LEPR: variants seen among roughly 807,000 people sequenced by gnomAD.
LEPR encodes the protein leptin receptor.
A neutral mutation model predicts 114.7 loss-of-function variants in LEPR; 56 were observed. The observed-to-expected ratio is 0.49, with a 90% CI of 0.39 to 0.61. The LOEUF is 0.61. Among genes scored for constraint, LEPR ranks in the 20% least tolerant of loss-of-function variants. The probability of loss-of-function intolerance (pLI) is 0.00; values close to 1 mark genes in which losing one functional copy is unlikely to be tolerated. For synonymous variants in LEPR, 443 were observed against 461.4 expected (o/e 0.96, Z 0.51); for missense variants, 1,202 against 1,352.9 (o/e 0.89, Z 1.75).
chr1:65,583,182 G>A (rs531975552), intron 5 of LEPR, among the ~76,000 whole-genome samples: 3 of 152,288 alleles, frequency 2.0e-5, no homozygotes, highest in East Asian at 1.9e-4. Context: ...CAGAGCTGAG[G>A]AACTCAAGCT....
intron 2 of LEPR, among the ~76,000 whole-genome samples, chr1:65,479,297 C>T (rs1647191994): frequency 6.6e-6 from 1 of 151,820 alleles, no homozygotes; most frequent in African/African-American, 2.4e-5. Context: ...GCAGCAGCAG[C>T]ATTATTAAAT....
intron 2 of LEPR, chr1:65,433,305 CT>C: frequency 1.1e-5 from 11 of 985,416 alleles, no homozygotes; most frequent in Non-Finnish European, 1.3e-5. Context: ...ATGTACTTGT[CT>C]TCCGTCCTGT....
chr1:65,451,214 T>C (rs80086931), intron 2 of LEPR, among the ~76,000 whole-genome samples: 90,293 of 151,320 alleles, frequency 0.6, 27,635 homozygotes, highest in Middle Eastern at 0.65. Flanking sequence ...AAATTTTCTC[T>C]CATTTTGTAG....
chr1:65,486,799 A>G (rs978037732), intron 2 of LEPR, among the ~76,000 whole-genome samples: 1 of 152,146 alleles, frequency 6.6e-6, no homozygotes, highest in Non-Finnish European at 1.5e-5. Flanking sequence ...CTCAGGGAGA[A>G]CATGAGGTGG....
At chr1:65,460,537 C>G (rs1037024500) in intron 2 of LEPR, among the ~76,000 whole-genome samples, 4 of 152,080 alleles carry the variant, frequency 2.6e-5, no homozygotes, top group African/African-American at 9.7e-5. Context: ...TGTTAAATAT[C>G]TTTCAAAGAA....
Position 65,487,291 on chromosome 1 carries a change from T to C in LEPR, c.-21+61913T>C, listed in dbSNP as rs191234903. On this transcript the variant is annotated intron_variant, in intron 2 of 19. Transcript: ENST00000349533. ...TTCCATTTACTTATTAGCAGTGGAA[T>C]TGAGTAATGATGAGTAAAATAAAAG... Among the ~76,000 whole-genome samples the C allele has an allele frequency of 1.6e-3, 246 of 152,260 alleles. 6 individuals are homozygous for C. Among genetic ancestry groups the C allele is most frequent in the Admixed American group, 0.014 (218 of 15,266 alleles).
At chr1:65,626,111 T>C in intron 19 of LEPR, 1 of 1,610,958 alleles carries the variant, frequency 6.2e-7, no homozygotes. Context: ...AAATTATTTT[T>C]CCCTTTTCCA....
chr1:65,618,060 T>TTAATATA lies in LEPR; in HGVS notation c.2311_2312insATATATA (p.Ile771AsnfsTer5). 1.2e-6 allele frequency: 2 copies of TTAATATA among 1,612,602 alleles called. No homozygotes were observed. Among genetic ancestry groups the TTAATATA allele is most frequent in the Non-Finnish European group, 1.7e-6 (2 of 1,179,398 alleles). Reference sequence around the variant, plus strand: ...CCCAGTGATTACAAGCTAATGTATTTTATTATTGAGTGGAAAAATCTTAAT... The same window carrying TTAATATA: ...CCCAGTGATTACAAGCTAATGTATTTTAATATATATTATTGAGTGGAAAAATCTTAAT... On this transcript the variant is annotated frameshift_variant, in exon 16 of 20. Transcript: ENST00000349533. LOFTEE classifies it high-confidence loss of function.
intron 2 of LEPR, among the ~76,000 whole-genome samples, chr1:65,488,210 T>TTCTTTCTCTCTCTC (rs1557620199): frequency 1.5e-4 from 4 of 25,870 alleles, no homozygotes; most frequent in African/African-American, 7.2e-4. Flanking sequence ...CTTTCTTTCT[T>TTCTTTCTCTCTCTC]TCTCTCTCTC....
At chr1:65,539,711 A>C (rs2100655621) in intron 2 of LEPR, among the ~76,000 whole-genome samples, 1 of 152,356 alleles carries the variant, frequency 6.6e-6, no homozygotes, top group Non-Finnish European at 1.5e-5. Flanking sequence ...GCTTCCTGGC[A>C]GTCTGCCTGT....
intron 2 of LEPR, among the ~76,000 whole-genome samples, chr1:65,515,017 A>G (rs1311054456): frequency 6.6e-6 from 1 of 152,268 alleles, no homozygotes; most frequent in African/African-American, 2.4e-5. Context: ...CATAGACCTT[A>G]GATAGCATGG....
chr1:65,596,643 C>T (rs755535126), intron 7 of LEPR, 50 bp downstream of exon 7: 1 of 1,535,086 alleles, frequency 6.5e-7, no homozygotes, highest in East Asian at 2.3e-5. Flanking sequence ...TAAATAAAGA[C>T]CCTCTTAAGT....
In LEPR at chr1:65,640,636, A is replaced by T. The variant is rs762651829; in HGVS notation, c.*3621A>T. On this transcript the variant is annotated 3_prime_UTR_variant, in exon 20 of 20. Coordinates refer to ENST00000349533, the MANE Select transcript of LEPR (RefSeq NM_002303.6). ...CACACCTGCATCTAATCACAATGTT[A>T]GGCGAACAACTTAAAACATGATCAG... The T allele has an allele frequency of 2.0e-5, 3 of 152,232 alleles. No individual in the cohort carries two copies. The highest frequency in any genetic ancestry group is 2.9e-5 in the Non-Finnish European group (2 of 68,038). The allele number at this position is 152,232 out of a possible 1,614,324, so 9.4% of individuals were successfully genotyped here.
Position 65,570,500 on chromosome 1 carries a change from A to G in LEPR, c.68A>G (p.Asn23Ser), listed in dbSNP as rs1487793938. Reference protein sequence around the residue: ...WEFIYVITAFNLSYPITPWRF... With the variant: ...WEFIYVITAFSLSYPITPWRF... ...TTTATTTATGTGATAACTGCGTTTA[A>G]CTTGTCATATCCAATTACTCCTTGG... Residue 23 changes from asparagine to serine, a missense_variant, in exon 4 of 20, where the codon AAC (asparagine) becomes AGC (serine). Coordinates refer to ENST00000349533, the MANE Select transcript of LEPR (RefSeq NM_002303.6). 6.2e-7 allele frequency: 1 copy of G among 1,613,818 alleles called. No homozygotes were observed. Among genetic ancestry groups the G allele is most frequent in the South Asian group, 1.1e-5 (1 of 91,010 alleles).
chr1:65,525,221 C>G (rs1570608835), intron 2 of LEPR, among the ~76,000 whole-genome samples: 1 of 146,458 alleles, frequency 6.8e-6, no homozygotes, highest in African/African-American at 2.5e-5. Flanking sequence ...CCAGTTATTG[C>G]AACCTTAATT....
chr1:65,610,002 T>C lies in LEPR; in HGVS notation c.1808T>C (p.Leu603Ser). The C allele has an allele frequency of 1.2e-6, 2 of 1,614,222 alleles. No individual in the cohort carries two copies. Among genetic ancestry groups the C allele is most frequent in the Non-Finnish European group, 1.7e-6 (2 of 1,180,020 alleles). Residue 603 changes from leucine (L) to serine (S), a missense_variant, in exon 13 of 20, where the codon TTG becomes TCG. Transcript: ENST00000349533. ...SKSVSLPVPD[L>S]CAVYAVQVRC... ...TCTGTCAGTCTCCCAGTTCCAGACT[T>C]GTGTGCAGTCTATGCTGTTCAGGTG...
chr1:65,442,256 C>T (rs1041929385), intron 2 of LEPR, among the ~76,000 whole-genome samples: 2 of 152,174 alleles, frequency 1.3e-5, no homozygotes, highest in East Asian at 3.8e-4. Flanking sequence ...TTTCACAACT[C>T]CTTATCTTGA....
chr1:65,506,848 A>G (rs1648752535), intron 2 of LEPR, among the ~76,000 whole-genome samples: 1 of 152,124 alleles, frequency 6.6e-6, no homozygotes, highest in Non-Finnish European at 1.5e-5. Context: ...ATACATTATT[A>G]TTGCAGTCAG....
At chr1:65,630,183 T>C (rs1187849426) in intron 19 of LEPR, 1 of 265,568 alleles carries the variant, frequency 3.8e-6, no homozygotes, top group Admixed American at 4.4e-5. Flanking sequence ...TGTTTACTTA[T>C]AATTTCCTTT....
Sources: allele counts gnomAD v4.1 joint callset (sites outside exome capture counted in the v4.1 genomes callset), GRCh38; gene constraint gnomAD v4.1.1; transcripts MANE v1.5; gene names NCBI Gene and HGNC (gene_info 2026-07-23, HGNC 2026-07-21).